The following NRXN1 variants were observed in gnomAD, a reference collection of about 807,000 sequenced individuals.
NRXN1 encodes neurexin-1.
A neutral mutation model predicts 150.9 loss-of-function variants in NRXN1; 39 were observed. The observed-to-expected ratio is 0.26, with a 90% CI of 0.20 to 0.34. NRXN1 has a LOEUF of 0.34. Ranked by LOEUF, NRXN1 falls within the 10% of genes least tolerant of loss-of-function variation. The probability of loss-of-function intolerance (pLI) is 1.00; values close to 1 mark genes in which losing one functional copy is unlikely to be tolerated. For missense variants in NRXN1, 1,815 were observed against 1,949.9 expected (o/e 0.93, Z 1.30); for synonymous variants, 924 against 757.0 (o/e 1.22, Z -3.62).
chr2:50,262,644 C>T (rs755549807), intron 17 of NRXN1, among the ~76,000 whole-genome samples: 5 of 151,852 alleles, frequency 3.3e-5, no homozygotes, highest in Non-Finnish European at 5.9e-5. Context: ...ATAAATATGA[C>T]TCAGATCCAG....
At chr2:50,857,078 C>A (rs1013663904) in intron 5 of NRXN1, among the ~76,000 whole-genome samples, 1 of 152,074 alleles carries the variant, frequency 6.6e-6, no homozygotes, top group Non-Finnish European at 1.5e-5. Context: ...TGACGTTTTA[C>A]AGAAGAGCTT....
intron 5 of NRXN1, among the ~76,000 whole-genome samples, chr2:50,800,974 G>A (rs1279575566): frequency 6.6e-6 from 1 of 152,052 alleles, no homozygotes; most frequent in Admixed American, 6.6e-5. Flanking sequence ...ACTTTCTAAT[G>A]TACGCAAGCA....
intron 5 of NRXN1, among the ~76,000 whole-genome samples, chr2:50,849,750 C>T (rs1439549625): frequency 2.0e-5 from 3 of 152,084 alleles, no homozygotes; most frequent in Non-Finnish European, 2.9e-5. Flanking sequence ...CTTTCTTAGA[C>T]CGGAATATAA....
At chr2:50,140,661 TTC>T (rs957167068) in intron 18 of NRXN1, among the ~76,000 whole-genome samples, 6 of 147,318 alleles carry the variant, frequency 4.1e-5, no homozygotes, top group Non-Finnish European at 7.5e-5. Flanking sequence ...CTGAGCTTTT[TTC>T]TCTCTCTTTT....
At chr2:50,383,657 G>C (rs1462839577) in intron 17 of NRXN1, among the ~76,000 whole-genome samples, 1 of 152,092 alleles carries the variant, frequency 6.6e-6, no homozygotes, top group East Asian at 1.9e-4. Context: ...AGAAAACTAG[G>C]TTAAGAGTGG....
At chr2:50,261,202 T>C (rs573209052) in intron 17 of NRXN1, among the ~76,000 whole-genome samples, 45 of 151,862 alleles carry the variant, frequency 3.0e-4, no homozygotes, top group African/African-American at 1.0e-3. Flanking sequence ...ATATAGACTT[T>C]CCATAGATTG....
At chr2:50,492,923 A>G (rs913532032) in intron 15 of NRXN1, among the ~76,000 whole-genome samples, 4 of 29,324 alleles carry the variant, frequency 1.4e-4, no homozygotes, top group African/African-American at 4.5e-4. Context: ...TTTAAAAAGA[A>G]AGATGCCTGT....
intron 17 of NRXN1, among the ~76,000 whole-genome samples, chr2:50,455,180 C>T (rs542765977): frequency 2.0e-5 from 3 of 151,986 alleles, no homozygotes; most frequent in Non-Finnish European, 4.4e-5. Context: ...TAAAAGAATG[C>T]CAGAAAAACT....
intron 17 of NRXN1, among the ~76,000 whole-genome samples, chr2:50,376,376 A>G (rs1225400392): frequency 6.6e-6 from 1 of 151,972 alleles, no homozygotes; most frequent in East Asian, 1.9e-4. Flanking sequence ...TGAAAAAAAA[A>G]AAAAAGAGAG....
intron 21 of NRXN1, among the ~76,000 whole-genome samples, chr2:50,042,369 G>T (rs1168011608): frequency 6.6e-6 from 1 of 152,028 alleles, no homozygotes; most frequent in South Asian, 2.1e-4. Flanking sequence ...TGAGATAAGG[G>T]GCTTCCCCCT....
intron 17 of NRXN1, among the ~76,000 whole-genome samples, chr2:50,282,232 C>A (rs1221585923): frequency 6.6e-6 from 1 of 152,122 alleles, no homozygotes; most frequent in African/African-American, 2.4e-5. Flanking sequence ...TTGAAATTTA[C>A]CACTTAAGTG....
At chr2:50,090,942 A>T in intron 19 of NRXN1, among the ~76,000 whole-genome samples, 1 of 152,258 alleles carries the variant, frequency 6.6e-6, no homozygotes, top group African/African-American at 2.4e-5. Flanking sequence ...CAGAAAAAAA[A>T]AGTGTTATAA....
At chr2:49,996,037 G>C (rs534362796) in intron 21 of NRXN1, among the ~76,000 whole-genome samples, 16 of 152,116 alleles carry the variant, frequency 1.1e-4, no homozygotes, top group Admixed American at 5.9e-4. Flanking sequence ...GCTAGGAGTG[G>C]GATGGGGTGA....
At chr2:50,126,851 A>G (rs2152742859) in intron 18 of NRXN1, among the ~76,000 whole-genome samples, 1 of 152,130 alleles carries the variant, frequency 6.6e-6, no homozygotes, top group African/African-American at 2.4e-5. Context: ...TTTTTGCCCC[A>G]TCTTTTTAAA....
intron 5 of NRXN1, among the ~76,000 whole-genome samples, chr2:50,870,350 G>A (rs544983532): frequency 2.0e-5 from 3 of 151,838 alleles, no homozygotes; most frequent in East Asian, 2.0e-4. Flanking sequence ...CTTTTAAGAG[G>A]TGGGTGCTCG....
intron 18 of NRXN1, among the ~76,000 whole-genome samples, chr2:50,123,968 C>T (rs1165974189): frequency 1.3e-5 from 2 of 152,042 alleles, no homozygotes; most frequent in Admixed American, 1.3e-4. Flanking sequence ...GGACGTATCA[C>T]ATACAGATGG....
At chr2:50,215,901 A>G (rs901084218) in intron 18 of NRXN1, among the ~76,000 whole-genome samples, 3 of 152,096 alleles carry the variant, frequency 2.0e-5, no homozygotes, top group African/African-American at 7.2e-5. Flanking sequence ...AAGCAAGTAC[A>G]TAATTGGCAT....
rs72142854 is a variant in NRXN1, at chr2:50,945,877, G to GATATATAT, written c.773-19930_773-19923dup. 1.6e-3 allele frequency among the ~76,000 whole-genome samples: 226 copies of GATATATAT among 138,678 alleles called. 1 individual carries two copies. The highest frequency in any genetic ancestry group is 5.2e-3 in the African/African-American group (194 of 37,286). The allele number at this position is 138,678 out of a possible 152,430, so 91.0% of individuals were successfully genotyped here. A position where few individuals can be genotyped will look rare whatever the true frequency, so the allele number is the denominator to read the frequency against. ...AATATGAAAGTACTTCAGAAAAACA[G>GATATATAT]ATATATATATATATATATATATACA... On this transcript the variant is annotated intron_variant, in intron 2 of 22. Transcript: ENST00000401669.
chr2:50,128,837 A>C (rs1705009202), intron 18 of NRXN1, among the ~76,000 whole-genome samples: 1 of 151,138 alleles, frequency 6.6e-6, no homozygotes, highest in African/African-American at 2.4e-5. Flanking sequence ...ACAAAAATTA[A>C]CCGGGCATGG....
Sources: gnomAD v4.1 joint callset for allele counts (sites outside exome capture counted in the v4.1 genomes callset) on GRCh38, gnomAD v4.1.1 for gene constraint, MANE v1.5 for transcripts, NCBI Gene and HGNC (gene_info 2026-07-23, HGNC 2026-07-21) for gene names.